EYS: variants seen among roughly 807,000 people sequenced by gnomAD.
The protein encoded by EYS is EGF-like photoreceptor maintenance factor, also known as protein eyes shut homolog.
Under a neutral mutation model 282.1 loss-of-function variants are expected in EYS, and 250 were observed. The ratio of observed to expected loss-of-function variants is 0.89; its 90% CI spans 0.80 to 0.98. EYS has a LOEUF of 0.98. EYS is among the 50% of genes least tolerant of loss of function. The pLI is 0.00. For missense variants in EYS, 4,016 were observed against 3,709.0 expected (o/e 1.08, Z -2.15); for synonymous variants, 1,355 against 1,282.9 (o/e 1.06, Z -1.20).
intron 22 of EYS, among the ~76,000 whole-genome samples, chr6:64,676,720 G>A (rs2149900943): frequency 6.6e-6 from 1 of 152,100 alleles, no homozygotes; most frequent in Middle Eastern, 3.4e-3. Flanking sequence ...TAAGATCAAG[G>A]CGTCAGCAGA....
intron 26 of EYS, among the ~76,000 whole-genome samples, chr6:64,456,609 A>C (rs570695153): frequency 1.2e-4 from 18 of 152,206 alleles, no homozygotes; most frequent in African/African-American, 4.1e-4. Flanking sequence ...TTAGGGAAGA[A>C]AACATTTTCT....
chr6:64,666,041 C>T (rs1769218177), intron 22 of EYS, among the ~76,000 whole-genome samples: 1 of 152,064 alleles, frequency 6.6e-6, no homozygotes, highest in Non-Finnish European at 1.5e-5. Context: ...TAAATAAAAA[C>T]ATATGAACAC....
chr6:65,557,869 A>T (rs1413975715), intron 2 of EYS, among the ~76,000 whole-genome samples: 2 of 152,106 alleles, frequency 1.3e-5, no homozygotes, highest in African/African-American at 2.4e-5. Flanking sequence ...AGGAGACCCG[A>T]AGTGGGTAGC....
intron 14 of EYS, among the ~76,000 whole-genome samples, chr6:64,976,169 T>C (rs988190855): frequency 2.0e-5 from 3 of 152,020 alleles, no homozygotes; most frequent in Non-Finnish European, 2.9e-5. Flanking sequence ...ATTGTTTGAA[T>C]ATATTGAACC....
intron 11 of EYS, among the ~76,000 whole-genome samples, chr6:65,314,766 C>T (rs182059623): frequency 3.2e-4 from 48 of 152,100 alleles, no homozygotes; most frequent in African/African-American, 1.1e-3. Context: ...TTTTCAGGAA[C>T]TGTGCTCACT....
At chr6:65,247,678 A>G (rs1052534883) in intron 12 of EYS, among the ~76,000 whole-genome samples, 2 of 152,100 alleles carry the variant, frequency 1.3e-5, no homozygotes, top group Non-Finnish European at 2.9e-5. Flanking sequence ...GCAAATTTGT[A>G]AACCACAGAA....
At chr6:63,995,429 G>GA (rs1685060156) in intron 34 of EYS, among the ~76,000 whole-genome samples, 1 of 151,944 alleles carries the variant, frequency 6.6e-6, no homozygotes, top group Non-Finnish European at 1.5e-5. Flanking sequence ...TGGAGAAGTG[G>GA]AAATTTATGA....
intron 22 of EYS, among the ~76,000 whole-genome samples, chr6:64,719,574 C>T (rs1426875567): frequency 6.6e-6 from 1 of 152,168 alleles, no homozygotes; most frequent in Admixed American, 6.5e-5. Context: ...AGAGATGTTG[C>T]AGGCAAACTC....
intron 28 of EYS, among the ~76,000 whole-genome samples, chr6:64,395,651 G>C (rs1301562760): frequency 7.4e-6 from 1 of 135,158 alleles, no homozygotes; most frequent in Non-Finnish European, 1.6e-5. Flanking sequence ...GGGGAGGGGG[G>C]AGGGATAGCA....
At chr6:65,668,112 C>T (rs1768261558) in intron 1 of EYS, among the ~76,000 whole-genome samples, 1 of 151,756 alleles carries the variant, frequency 6.6e-6, no homozygotes, top group Non-Finnish European at 1.5e-5. Context: ...TCTTTAGATC[C>T]CCTTTGCCCA....
intron 19 of EYS, among the ~76,000 whole-genome samples, chr6:64,827,342 T>G (rs1765090551): frequency 6.6e-6 from 1 of 151,848 alleles, no homozygotes; most frequent in South Asian, 2.1e-4. Context: ...CTAATATCAT[T>G]TATCAGAGTC....
At chr6:64,857,203 A>G (rs1766090544) in intron 19 of EYS, among the ~76,000 whole-genome samples, 1 of 152,128 alleles carries the variant, frequency 6.6e-6, no homozygotes, top group African/African-American at 2.4e-5. Flanking sequence ...AGATCCTTTT[A>G]TCTAATACAT....
intron 26 of EYS, among the ~76,000 whole-genome samples, chr6:64,496,143 T>C (rs1425709758): frequency 1.3e-5 from 2 of 151,890 alleles, no homozygotes; most frequent in East Asian, 1.9e-4. Flanking sequence ...ATATATATTA[T>C]TTAAATAAAG....
chr6:65,439,456 T>A (rs1768216236), intron 5 of EYS, among the ~76,000 whole-genome samples: 1 of 152,118 alleles, frequency 6.6e-6, no homozygotes. Context: ...CCATTTTTCA[T>A]GATATTGATT....
chr6:63,938,550 T>C (rs556041593), intron 35 of EYS, among the ~76,000 whole-genome samples: 3 of 152,324 alleles, frequency 2.0e-5, no homozygotes, highest in African/African-American at 7.2e-5. Flanking sequence ...AGCTTAAATA[T>C]GATAGAAATA....
At chr6:64,376,613 C>G (rs1772568266) in intron 29 of EYS, among the ~76,000 whole-genome samples, 2 of 152,110 alleles carry the variant, frequency 1.3e-5, no homozygotes, top group South Asian at 4.1e-4. Context: ...CTAGGATAAT[C>G]GCATTCCTTT....
At chr6:64,062,127 T>C (rs939237169) in intron 33 of EYS, among the ~76,000 whole-genome samples, 6 of 152,170 alleles carry the variant, frequency 3.9e-5, no homozygotes, top group African/African-American at 1.4e-4. Flanking sequence ...GAGAGTTTTG[T>C]TAGTGAGAAT....
intron 24 of EYS, among the ~76,000 whole-genome samples, chr6:64,615,947 T>C (rs17404789): frequency 0.11 from 16,339 of 152,116 alleles, 1,054 homozygotes; most frequent in East Asian, 0.16. Flanking sequence ...TATACTAATG[T>C]ATTTATCCTT....
chr6:65,669,206 G>T (rs935237678), intron 1 of EYS, among the ~76,000 whole-genome samples: 4 of 151,912 alleles, frequency 2.6e-5, no homozygotes, highest in African/African-American at 7.2e-5. Flanking sequence ...TGAGGTACCT[G>T]CTTCTAAACT....
Sources: allele counts gnomAD v4.1 joint callset (sites outside exome capture counted in the v4.1 genomes callset), GRCh38; gene constraint gnomAD v4.1.1; transcripts MANE v1.5; gene names NCBI Gene and HGNC (gene_info 2026-07-23, HGNC 2026-07-21).